Variants in SLC7A1 observed in about 807,000 individuals in gnomAD.
The protein encoded by SLC7A1 is high affinity cationic amino acid transporter 1.
SLC7A1 carries 10 observed loss-of-function variants against 53.9 expected under a neutral mutation model. That is an observed-to-expected ratio of 0.19 (90% CI 0.11 to 0.31). The LOEUF is 0.31. SLC7A1 is among the 10% of genes least tolerant of loss of function. The probability of loss-of-function intolerance (pLI) is 1.00; values close to 1 mark genes in which losing one functional copy is unlikely to be tolerated. For missense variants in SLC7A1, 525 were observed against 827.2 expected (o/e 0.63, Z 4.48); for synonymous variants, 342 against 338.7 (o/e 1.01, Z -0.11).
Position 29,511,847 on chromosome 13 carries a change from C to A in SLC7A1, c.*2633G>T, listed in dbSNP as rs1566249434. 1 of 152,154 alleles carries A rather than the reference C, an allele frequency of 6.6e-6. No individual in the cohort carries two copies. Among genetic ancestry groups the A allele is most frequent in the Admixed American group, 6.5e-5 (1 of 15,280 alleles). 9.4% of individuals were successfully genotyped at this position (152,154 alleles called of 1,614,324 possible). ...GCTGGTGCACAGATAAAAGTAGACACAATACTCCTTGGTGGGTGTGCCTCT... is the reference window on the plus strand; with the variant it reads ...GCTGGTGCACAGATAAAAGTAGACAAAATACTCCTTGGTGGGTGTGCCTCT... On this transcript the variant is annotated 3_prime_UTR_variant, in exon 13 of 13. Transcript: ENST00000380752.
At chr13:29,536,681 G>A (rs1458502992) in intron 2 of SLC7A1, among the ~76,000 whole-genome samples, 2 of 152,152 alleles carry the variant, frequency 1.3e-5, no homozygotes, top group Non-Finnish European at 2.9e-5. Context: ...GCCCTGAATG[G>A]CAATAACAAT....
chr13:29,529,796 C>T (rs1379967575), intron 5 of SLC7A1, among the ~76,000 whole-genome samples: 3 of 152,198 alleles, frequency 2.0e-5, no homozygotes, highest in Non-Finnish European at 2.9e-5. Flanking sequence ...CCCCATTGTC[C>T]ATCCTGAGAC....
intron 1 of SLC7A1, among the ~76,000 whole-genome samples, chr13:29,564,124 G>C (rs1870874485): frequency 6.6e-6 from 1 of 152,168 alleles, no homozygotes; most frequent in Non-Finnish European, 1.5e-5. Flanking sequence ...CTGGAGGAAG[G>C]GGTGGTCTGG....
intron 1 of SLC7A1, among the ~76,000 whole-genome samples, chr13:29,568,341 G>T (rs522946): frequency 3.3e-5 from 5 of 152,078 alleles, no homozygotes; most frequent in Non-Finnish European, 7.4e-5. Context: ...AAACCACGAC[G>T]ATGTATTACT....
chr13:29,579,692 G>A (rs762108545), intron 1 of SLC7A1, among the ~76,000 whole-genome samples: 3 of 152,106 alleles, frequency 2.0e-5, no homozygotes, highest in Non-Finnish European at 4.4e-5. Flanking sequence ...GTCCACGACT[G>A]CTCACTCTTT....
Position 29,525,810 on chromosome 13 carries a change from A to G in SLC7A1, c.705-1557T>C, listed in dbSNP as rs993795300. 9.2e-5 allele frequency among the ~76,000 whole-genome samples: 14 copies of G among 152,364 alleles called. No homozygotes were observed. In the East Asian group the frequency reaches 2.7e-3, roughly 29 times the overall value. On this transcript the variant is annotated intron_variant, in intron 5 of 12. Coordinates refer to ENST00000380752, the MANE Select transcript of SLC7A1 (RefSeq NM_003045.5). ...TAGTTTGTTGTGTTAGAGTATGACT[A>G]AAACTAGCAACCCAAGTTCAAAACC...
chr13:29,535,974 A>G lies in SLC7A1; in HGVS notation c.215T>C (p.Ile72Thr). The change falls in exon 3 of 13, where the codon ATC becomes ACC. Residue 72 changes from isoleucine (I) to threonine (T), a missense_variant. By Grantham distance (89) the Ile-to-Thr change is moderately conservative. Around this residue, in one of 4 missense-constraint regions of SLC7A1, gnomAD observed 354 missense variants for 587.5 expected, o/e 0.60. Transcript: ENST00000380752. The part of the protein sequence containing the change: ...AGPAIVISFL[I>T]AALASVLAGL... ...AGCCAGCACTGAGGCCAGCGCAGCG[A>G]TCAGGAAGGAGATGACAATGGCAGG... The G allele has an allele frequency of 6.2e-7, 1 of 1,614,176 alleles. No homozygotes were observed. Among genetic ancestry groups the G allele is most frequent in the Non-Finnish European group, 8.5e-7 (1 of 1,180,040 alleles).
intron 1 of SLC7A1, among the ~76,000 whole-genome samples, chr13:29,564,466 C>T (rs539229142): frequency 1.3e-5 from 2 of 152,330 alleles, no homozygotes; most frequent in Admixed American, 6.5e-5. Flanking sequence ...AGCGGAATCT[C>T]GGCTCAAACC....
rs1883375827 is a variant in SLC7A1 at position 29,511,065 on chromosome 13, G to A, written c.*3415C>T. On this transcript the variant is annotated 3_prime_UTR_variant, in exon 13 of 13. Coordinates refer to ENST00000380752, the MANE Select transcript of SLC7A1 (RefSeq NM_003045.5). Reference sequence around the variant, plus strand: ...TGCTCCGTGGCAGGGGCACGGCAGGGAGGAGCTGGTATCATCAGCGTTTCC... The same window carrying A: ...TGCTCCGTGGCAGGGGCACGGCAGGAAGGAGCTGGTATCATCAGCGTTTCC... 1 of 152,382 alleles carries A rather than the reference G, an allele frequency of 6.6e-6. No homozygotes were observed. The highest frequency in any genetic ancestry group is 6.5e-5 in the Admixed American group (1 of 15,294). 9.4% of individuals were successfully genotyped at this position (152,382 alleles called of 1,614,324 possible).
At chr13:29,518,761 G>A (rs1187816514) in intron 9 of SLC7A1, among the ~76,000 whole-genome samples, 2 of 152,130 alleles carry the variant, frequency 1.3e-5, no homozygotes, top group Non-Finnish European at 2.9e-5. Flanking sequence ...GGAGGCTCTT[G>A]AGGGGAGACC....
At chr13:29,569,790 T>C (rs1267931975) in intron 1 of SLC7A1, among the ~76,000 whole-genome samples, 1 of 147,896 alleles carries the variant, frequency 6.8e-6, no homozygotes, top group Admixed American at 6.6e-5. Flanking sequence ...CAACCATCAG[T>C]CCTCATTTCA....
At chr13:29,581,600 C>T (rs1234849597) in intron 1 of SLC7A1, among the ~76,000 whole-genome samples, 2 of 152,216 alleles carry the variant, frequency 1.3e-5, no homozygotes, top group Admixed American at 6.5e-5. Flanking sequence ...GCCAAGCATG[C>T]GCTGTCCCCT....
intron 7 of SLC7A1, among the ~76,000 whole-genome samples, 190 bp from the exon 8 acceptor site, chr13:29,522,646 C>T (rs751011244): frequency 2.0e-5 from 3 of 152,222 alleles, no homozygotes; most frequent in Non-Finnish European, 4.4e-5. Flanking sequence ...AGAAAGAGCA[C>T]ACACTGTGAA....
In SLC7A1 at chr13:29,524,333, T is replaced by C. The variant is rs76531030; in HGVS notation, c.705-80A>G. The C allele has an allele frequency of 4.0e-3, 6,307 of 1,570,446 alleles. 197 individuals carry two copies. The African/African-American group carries it at 0.077, about 19-fold the overall frequency. ...AAGGAGCTGTGCTCATCTCCTGATA[T>C]GAGCGGAACCTGGCAGTCAGCCCTC... is the stretch of plus-strand genomic sequence containing the variant. On this transcript the variant is annotated intron_variant, in intron 5 of 12. Coordinates refer to ENST00000380752, the MANE Select transcript of SLC7A1 (RefSeq NM_003045.5).
chr13:29,526,892 C>T (rs1868917845), intron 5 of SLC7A1, among the ~76,000 whole-genome samples: 1 of 152,170 alleles, frequency 6.6e-6, no homozygotes, highest in Non-Finnish European at 1.5e-5. Context: ...CTGTGCTGCG[C>T]CAACTCCAGA....
At chr13:29,544,649 A>G (rs1869827479) in intron 2 of SLC7A1, among the ~76,000 whole-genome samples, 1 of 152,178 alleles carries the variant, frequency 6.6e-6, no homozygotes, top group South Asian at 2.1e-4. Context: ...CATTCTCCCA[A>G]GGAACGTCCC....
rs918866146 is a variant in SLC7A1, at chr13:29,510,713, A to G, written c.*3767T>C. 1 of 152,230 alleles carries G rather than the reference A, an allele frequency of 6.6e-6. No homozygotes were observed. The highest frequency in any genetic ancestry group is 1.5e-5 in the Non-Finnish European group (1 of 68,050). 9.4% of individuals were successfully genotyped at this position (152,230 alleles called of 1,614,324 possible). On this transcript the variant is annotated 3_prime_UTR_variant, in exon 13 of 13. Transcript: ENST00000380752. Reference sequence around the variant, plus strand: ...ACGCAGCTGTGCTGGAGTTGGGCACAAAGGCCCCTCACTCCCTGTCTTCAT... The same window carrying G: ...ACGCAGCTGTGCTGGAGTTGGGCACGAAGGCCCCTCACTCCCTGTCTTCAT...
At chr13:29,586,692 A>G (rs1593586313) in intron 1 of SLC7A1, 1 of 152,310 alleles carries the variant, frequency 6.6e-6, no homozygotes, top group East Asian at 1.9e-4. Flanking sequence ...GCCTTAAGGA[A>G]AAAGAAGAAA....
rs960830816 is a variant in SLC7A1, at chr13:29,532,690, C to T, written c.529+134G>A. The T allele has an allele frequency of 2.5e-5, 18 of 720,594 alleles. No homozygotes were observed. In the African/African-American group the frequency reaches 2.7e-4, roughly 11 times the overall value. The allele number at this position is 720,594 out of a possible 1,614,324, so 44.6% of individuals were successfully genotyped here. A position where few individuals can be genotyped will look rare whatever the true frequency, so the allele number is the denominator to read the frequency against. Reference sequence around the variant, plus strand: ...AGGAACAAATAAAGATGCCTGCATGCAGTACAAAAACAAAACAAAAAGAAA... The same window carrying T: ...AGGAACAAATAAAGATGCCTGCATGTAGTACAAAAACAAAACAAAAAGAAA... On this transcript the variant is annotated intron_variant, in intron 4 of 12. Transcript: ENST00000380752.
Sources: gnomAD v4.1 joint callset for allele counts (sites outside exome capture counted in the v4.1 genomes callset) on GRCh38, gnomAD v4.1.1 for gene constraint, gnomAD v4.1.1 regional missense constraint, MANE v1.5 for transcripts, NCBI Gene and HGNC (gene_info 2026-07-23, HGNC 2026-07-21) for gene names.